The following PCTP variants were observed in gnomAD, a reference collection of about 807,000 sequenced individuals.
PCTP encodes phosphatidylcholine transfer protein, also known as START domain-containing protein 2.
Under a neutral mutation model 31.0 loss-of-function variants are expected in PCTP, and 27 were observed. That is an observed-to-expected ratio of 0.87 (90% CI 0.64 to 1.20). The LOEUF (loss-of-function observed/expected upper bound fraction) is 1.20. PCTP is among the 50% of genes most tolerant of loss of function. The probability of loss-of-function intolerance (pLI) is 0.00; values close to 1 mark genes in which losing one functional copy is unlikely to be tolerated. For missense variants in PCTP, 287 were observed against 268.2 expected (o/e 1.07, Z -0.49); for synonymous variants, 108 against 101.2 (o/e 1.07, Z -0.40).
At chr17:55,849,172 A>G in the PCTP span, among the ~76,000 whole-genome samples, 3 of 150,852 alleles carry the variant, frequency 2.0e-5, no homozygotes, top group African/African-American at 4.9e-5. Flanking sequence ...ATAGGCAAAG[A>G]TCTCAAGAGA....
At chr17:55,805,363 C>T (rs1033229621) in intron 3 of PCTP, among the ~76,000 whole-genome samples, 1 of 152,020 alleles carries the variant, frequency 6.6e-6, no homozygotes, top group Admixed American at 6.6e-5. Flanking sequence ...CTCCTTCCCA[C>T]CTTCCCCCAT....
At chr17:55,780,916 T>C (rs941365053), downstream of PCTP, among the ~76,000 whole-genome samples, 1 of 151,566 alleles carries the variant, frequency 6.6e-6, no homozygotes, top group African/African-American at 2.4e-5. Flanking sequence ...GAATCAAGGA[T>C]GAAAGCCTAG....
chr17:55,830,692 A>T (rs1905564459), intron 5 of PCTP, among the ~76,000 whole-genome samples: 2 of 152,198 alleles, frequency 1.3e-5, no homozygotes, highest in South Asian at 2.1e-4. Context: ...AATAAATCAG[A>T]ATAATTAAAA....
intron 3 of PCTP, among the ~76,000 whole-genome samples, chr17:55,795,883 T>A (rs939761997): frequency 1.3e-5 from 2 of 152,072 alleles, no homozygotes; most frequent in African/African-American, 4.8e-5. Flanking sequence ...GTCACAGTTA[T>A]TACCTGGGAT....
intron 2 of PCTP, among the ~76,000 whole-genome samples, chr17:55,782,405 G>A (rs1437500923): frequency 6.6e-6 from 1 of 152,192 alleles, no homozygotes; most frequent in Non-Finnish European, 1.5e-5. Context: ...TAAGGAAAAA[G>A]ATTTAACATT....
At chr17:55,827,020 C>A (rs1332560591), downstream of PCTP, among the ~76,000 whole-genome samples, 1 of 145,312 alleles carries the variant, frequency 6.9e-6, no homozygotes, top group African/African-American at 2.7e-5. Flanking sequence ...ACAAAAGATA[C>A]CTACTGTGGT....
chr17:55,845,490 G>A (rs961167643), downstream of PCTP, among the ~76,000 whole-genome samples: 7 of 152,186 alleles, frequency 4.6e-5, no homozygotes, highest in Non-Finnish European at 8.8e-5. Context: ...GATGCTCAAG[G>A]GGGCAGTGTG....
chr17:55,804,632 G>T (rs1017868062), intron 3 of PCTP, among the ~76,000 whole-genome samples: 1 of 152,036 alleles, frequency 6.6e-6, no homozygotes, highest in East Asian at 1.9e-4. Context: ...CAAGCACCAC[G>T]TCTTCTCACT....
intron 4 of PCTP, among the ~76,000 whole-genome samples, chr17:55,774,425 A>G (rs1458825669): frequency 1.3e-5 from 2 of 152,208 alleles, no homozygotes; most frequent in South Asian, 4.1e-4. Flanking sequence ...AACTATAGTT[A>G]GATGGTCACC....
intron 1 of PCTP, 94 bp downstream of exon 1, chr17:55,751,338 AG>A (rs1909696843): frequency 6.5e-7 from 1 of 1,527,260 alleles, no homozygotes; most frequent in Admixed American, 2.0e-5. Context: ...CGGAAGGGAC[AG>A]GGGCGCGTCT....
At chr17:55,849,294 A>G in the PCTP span, among the ~76,000 whole-genome samples, 1 of 152,314 alleles carries the variant, frequency 6.6e-6, no homozygotes, top group African/African-American at 2.4e-5. Flanking sequence ...CTAGCTCCAG[A>G]TGGTTTTACT....
At chr17:55,771,002 G>C in intron 2 of PCTP, 104 bp from the exon 3 acceptor site, 1 of 820,322 alleles carries the variant, frequency 1.2e-6, no homozygotes, top group Non-Finnish European at 2.1e-6. Flanking sequence ...AAAAGTGCTG[G>C]GATTACAGGC....
At chr17:55,804,115 C>A (rs1348273991) in intron 3 of PCTP, among the ~76,000 whole-genome samples, 2 of 152,178 alleles carry the variant, frequency 1.3e-5, no homozygotes, top group Non-Finnish European at 2.9e-5. Flanking sequence ...AAAAAAAGAT[C>A]ATCATCACTG....
intron 3 of PCTP, among the ~76,000 whole-genome samples, chr17:55,802,252 A>C (rs1036922384): frequency 6.6e-6 from 1 of 152,182 alleles, no homozygotes; most frequent in African/African-American, 2.4e-5. Context: ...AAAGCTCAGG[A>C]CCAGATGGAT....
Position 55,751,560 on chromosome 17 carries a change from T to C in PCTP, c.141+316T>C, listed in dbSNP as rs1303526950. Reference sequence around the variant, plus strand: ...TGGTTCCTAGGCCCGTGCACACGTCTGCAAGGGACGTTGATCCTCACTCTC... The same window carrying C: ...TGGTTCCTAGGCCCGTGCACACGTCCGCAAGGGACGTTGATCCTCACTCTC... On this transcript the variant is annotated intron_variant, in intron 1 of 5. Coordinates refer to ENST00000268896, the MANE Select transcript of PCTP (RefSeq NM_021213.4). The C allele has an allele frequency of 3.0e-6, 4 of 1,355,386 alleles. No individual in the cohort carries two copies. The East Asian group carries it at 1.2e-4, about 40-fold the overall frequency. 84.0% of individuals were successfully genotyped at this position (1,355,386 alleles called of 1,614,324 possible).
At chr17:55,834,344 C>G (rs969110065) in intron 5 of PCTP, among the ~76,000 whole-genome samples, 6 of 149,144 alleles carry the variant, frequency 4.0e-5, no homozygotes, top group Non-Finnish European at 9.0e-5. Flanking sequence ...TCCTGATGCT[C>G]TCCCTCTCCC....
In PCTP at chr17:55,776,363, A is replaced by G; in HGVS notation, c.*263A>G. ...ATCCTGGGCTGGGCTGCCTTCTTCT[A>G]CAGTTCAATATGGGGCAGACTAGGG... On this transcript the variant is annotated 3_prime_UTR_variant, in exon 6 of 6. Coordinates refer to ENST00000268896, the MANE Select transcript of PCTP (RefSeq NM_021213.4). 7.5e-7 allele frequency: 1 copy of G among 1,336,092 alleles called. No individual in the cohort carries two copies. Among genetic ancestry groups the G allele is most frequent in the East Asian group, 2.8e-5 (1 of 35,574 alleles). 82.8% of individuals were successfully genotyped at this position (1,336,092 alleles called of 1,614,324 possible). A position where few individuals can be genotyped will look rare whatever the true frequency, so the allele number is the denominator to read the frequency against.
chr17:55,824,617 G>A (rs1905335361), downstream of PCTP, among the ~76,000 whole-genome samples: 1 of 152,188 alleles, frequency 6.6e-6, no homozygotes, highest in Non-Finnish European at 1.5e-5. Context: ...TATTAGGCCT[G>A]CTGGACCTTT....
chr17:55,846,450 C>T (rs114267803), downstream of PCTP, among the ~76,000 whole-genome samples: 2,559 of 152,034 alleles, frequency 0.017, 67 homozygotes, highest in African/African-American at 0.057. Context: ...TAGAGGTGAG[C>T]GCTTTGCAGG....
Sources: gnomAD v4.1 joint callset for allele counts (sites outside exome capture counted in the v4.1 genomes callset) on GRCh38, gnomAD v4.1.1 for gene constraint, MANE v1.5 for transcripts, NCBI Gene and HGNC (gene_info 2026-07-23, HGNC 2026-07-21) for gene names.